The following NRSN1 variants were observed in gnomAD, a reference collection of about 807,000 sequenced individuals.
NRSN1 encodes neurensin 1.
In NRSN1, 14 loss-of-function variants were observed where a neutral mutation model predicts 17.3. The ratio of observed to expected loss-of-function variants is 0.81; its 90% CI spans 0.54 to 1.27. NRSN1 has a LOEUF of 1.27. NRSN1 is among the 50% of genes most tolerant of loss of function. The pLI, the probability that NRSN1 is intolerant of heterozygous loss-of-function variation, is 0.00. For synonymous variants in NRSN1, 79 were observed against 94.2 expected, an observed-to-expected ratio of 0.84 and a Z score of 0.93; for missense variants, 209 against 235.9, an observed-to-expected ratio of 0.89 and a Z score of 0.75.
chr6:24,129,650 G>A (rs931024489), intron 2 of NRSN1: 1 of 152,150 alleles, frequency 6.6e-6, no homozygotes, highest in Non-Finnish European at 1.5e-5. Context: ...AATTTGATAG[G>A]GAGTGGCAGC....
At position 24,134,477 on chromosome 6, in the gene NRSN1, C is replaced by A. The variant is rs760108857; in HGVS notation, c.150C>A (p.Ile50=). ...SIWEYEDDFQ[I]QRSPNRWSSV... Reference sequence around the variant, plus strand: ...GGGAGTATGAGGATGATTTCCAGATCCAAAGATCACCTAACAGGTGGAGCT... The same window carrying A: ...GGGAGTATGAGGATGATTTCCAGATACAAAGATCACCTAACAGGTGGAGCT... Residue 50 remains isoleucine (I), a synonymous_variant, in exon 3 of 4, where the codon ATC becomes ATA. Transcript: ENST00000378491. The A allele has an allele frequency of 3.0e-5, 48 of 1,613,956 alleles. No individual in the cohort carries two copies. Among genetic ancestry groups the A allele is most frequent in the Non-Finnish European group, 3.9e-5 (46 of 1,180,002 alleles).
chr6:24,142,460 T>C (rs1760225775), intron 3 of NRSN1, among the ~76,000 whole-genome samples: 1 of 152,204 alleles, frequency 6.6e-6, no homozygotes, highest in East Asian at 1.9e-4. Flanking sequence ...GCTTTTTTTC[T>C]CTCTCTTTTT....
intron 3 of NRSN1, among the ~76,000 whole-genome samples, chr6:24,140,317 A>G (rs1760184123): frequency 6.6e-6 from 1 of 152,136 alleles, no homozygotes; most frequent in Non-Finnish European, 1.5e-5. Flanking sequence ...TATGCGCTGG[A>G]AGAAGGAATC....
chr6:24,140,228 G>T (rs1420211903), intron 3 of NRSN1, among the ~76,000 whole-genome samples: 1 of 152,180 alleles, frequency 6.6e-6, no homozygotes, highest in Non-Finnish European at 1.5e-5. Context: ...GTCAAGGGTA[G>T]AACGGACATT....
chr6:24,134,041 T>TGTGTGTGTGTGTGTGTG (rs1491411832), intron 2 of NRSN1, among the ~76,000 whole-genome samples: 14 of 150,972 alleles, frequency 9.3e-5, no homozygotes, highest in East Asian at 3.9e-4. Context: ...TGTGTGTGTG[T>TGTGTGTGTGTGTGTGTG]TTTTAGTAGA....
chr6:24,133,810 G>C (rs747252550), intron 2 of NRSN1, among the ~76,000 whole-genome samples: 2 of 152,084 alleles, frequency 1.3e-5, no homozygotes, highest in African/African-American at 4.8e-5. Context: ...AAGAAGAACA[G>C]CTTATAAGAA....
chr6:24,136,130 G>A (rs1375076208), intron 3 of NRSN1, among the ~76,000 whole-genome samples: 1 of 152,128 alleles, frequency 6.6e-6, no homozygotes, highest in Non-Finnish European at 1.5e-5. Flanking sequence ...GGCCTCTAAT[G>A]GTGATACTTA....
At chr6:24,142,567 C>T (rs1397996677) in intron 3 of NRSN1, among the ~76,000 whole-genome samples, 3 of 152,104 alleles carry the variant, frequency 2.0e-5, no homozygotes. Context: ...TCAAGTGATT[C>T]TCCTGCCTCA....
At chr6:24,137,626 C>T (rs1260361640) in intron 3 of NRSN1, among the ~76,000 whole-genome samples, 1 of 152,024 alleles carries the variant, frequency 6.6e-6, no homozygotes, top group African/African-American at 2.4e-5. Context: ...TGGTGTGCTG[C>T]ACCCATTAAC....
chr6:24,140,818 A>G (rs1263547962), intron 3 of NRSN1: 14 of 1,256,596 alleles, frequency 1.1e-5, no homozygotes, highest in Non-Finnish European at 1.4e-5. Flanking sequence ...AAACAATGAA[A>G]GGATGTTGGT....
At chr6:24,141,886 T>G (rs1760209667) in intron 3 of NRSN1, among the ~76,000 whole-genome samples, 1 of 152,162 alleles carries the variant, frequency 6.6e-6, no homozygotes, top group South Asian at 2.1e-4. Flanking sequence ...TCTCACTTGC[T>G]CTTCAGAATC....
At chr6:24,142,472 T>C (rs1478718889) in intron 3 of NRSN1, among the ~76,000 whole-genome samples, 1 of 152,138 alleles carries the variant, frequency 6.6e-6, no homozygotes, top group East Asian at 1.9e-4. Context: ...TCTCTTTTTT[T>C]CCCGAGACAG....
intron 3 of NRSN1, among the ~76,000 whole-genome samples, chr6:24,140,595 G>A (rs566784663): frequency 2.0e-4 from 30 of 152,308 alleles, no homozygotes; most frequent in African/African-American, 6.5e-4. Flanking sequence ...CTCTTGATGC[G>A]CTTCCCCTAA....
At chr6:24,138,533 C>T (rs1156928162) in intron 3 of NRSN1, among the ~76,000 whole-genome samples, 2 of 152,168 alleles carry the variant, frequency 1.3e-5, no homozygotes, top group Non-Finnish European at 2.9e-5. Flanking sequence ...GCCTTCTCCT[C>T]GACCTCTCTC....
chr6:24,131,562 T>A (rs1760029578), intron 2 of NRSN1, among the ~76,000 whole-genome samples: 1 of 152,218 alleles, frequency 6.6e-6, no homozygotes, highest in Non-Finnish European at 1.5e-5. Flanking sequence ...TCATCTTTCA[T>A]CTGTTCCCTG....
chr6:24,145,075 A>AAG lies in NRSN1; in HGVS notation c.190-472_190-471insGA, dbSNP rs911117184. ...ATATAATATATATCTTTAGGTATAT[A>AAG]ATATATATTATATATTTTATATATA... On this transcript the variant is annotated intron_variant, in intron 3 of 3. Transcript: ENST00000378491. This position sits in a 1 kb window ranked among gnomAD's most constrained non-coding sequence, Gnocchi z 4.4. Among the ~76,000 whole-genome samples the AAG allele has an allele frequency of 6.9e-6, 1 of 145,210 alleles. No homozygotes were observed. The highest frequency in any genetic ancestry group is 7.0e-5 in the Admixed American group (1 of 14,298).
chr6:24,141,365 C>T, intron 3 of NRSN1: 1 of 631,966 alleles, frequency 1.6e-6, no homozygotes, highest in Non-Finnish European at 2.2e-6. Context: ...GTCCCAACTG[C>T]TCTCCTCACC....
chr6:24,135,564 G>C (rs561265792), intron 3 of NRSN1, among the ~76,000 whole-genome samples: 2 of 152,320 alleles, frequency 1.3e-5, no homozygotes, highest in African/African-American at 4.8e-5. Context: ...GAAGCTACTG[G>C]AAGAGGTTGA....
intron 3 of NRSN1, among the ~76,000 whole-genome samples, chr6:24,143,398 A>G (rs1436854578): frequency 6.6e-6 from 1 of 152,234 alleles, no homozygotes; most frequent in African/African-American, 2.4e-5. Context: ...TAAACAAAAA[A>G]CACATCTAGC....
Sources: allele counts gnomAD v4.1 joint callset (sites outside exome capture counted in the v4.1 genomes callset), GRCh38; gene constraint gnomAD v4.1.1; non-coding constraint Gnocchi (gnomAD v3.1); transcripts MANE v1.5; gene names NCBI Gene and HGNC (gene_info 2026-07-23, HGNC 2026-07-21).